CDKAL1: variants seen among roughly 807,000 people sequenced by gnomAD.
The protein encoded by CDKAL1 is threonylcarbamoyladenosine tRNA methylthiotransferase.
A neutral mutation model predicts 68.2 loss-of-function variants in CDKAL1; 32 were observed. The observed-to-expected ratio is 0.47, with a 90% confidence interval of 0.35 to 0.63. The LOEUF (loss-of-function observed/expected upper bound fraction) is 0.63, where lower values mean the gene tolerates loss of function less well. CDKAL1 is among the 30% of genes least tolerant of loss of function. The pLI, the probability that CDKAL1 is intolerant of heterozygous loss-of-function variation, is 0.00. For missense variants in CDKAL1, 606 were observed against 696.7 expected (o/e 0.87, Z 1.47); for synonymous variants, 234 against 244.3 (o/e 0.96, Z 0.39).
At chr6:20,664,856 G>A (rs1056971555) in intron 5 of CDKAL1, among the ~76,000 whole-genome samples, 2 of 152,064 alleles carry the variant, frequency 1.3e-5, no homozygotes, top group African/African-American at 4.8e-5. Flanking sequence ...AATCGGTAAT[G>A]GGTGGCTTGA....
intron 13 of CDKAL1, among the ~76,000 whole-genome samples, chr6:21,181,365 C>T (rs1777782681): frequency 6.6e-6 from 1 of 152,134 alleles, no homozygotes; most frequent in Non-Finnish European, 1.5e-5. Flanking sequence ...GTTATTAGGC[C>T]ATGAGGGCCC....
chr6:21,116,812 G>A (rs770505138), intron 13 of CDKAL1, among the ~76,000 whole-genome samples: 6 of 152,150 alleles, frequency 3.9e-5, no homozygotes, highest in Non-Finnish European at 7.4e-5. Flanking sequence ...GGCAGTTACT[G>A]TATTTTCAAA....
rs569946508 is a variant in CDKAL1 at position 20,589,629 on chromosome 6, G to A, written c.286+40924G>A. Among the ~76,000 whole-genome samples the A allele has an allele frequency of 1.1e-4, 16 of 152,234 alleles. No homozygotes were observed. The East Asian group carries it at 1.9e-3, about 18-fold the overall frequency. On this transcript the variant is annotated intron_variant, in intron 4 of 15. Transcript: ENST00000274695. ...TTTCAGCTCTTTAGGAAAGTGGACG[G>A]CCTTCACATCAGTGGGATTGAATTC... is the stretch of plus-strand genomic sequence containing the variant.
intron 7 of CDKAL1, among the ~76,000 whole-genome samples, chr6:20,767,391 A>G (rs913687509): frequency 6.6e-6 from 1 of 152,160 alleles, no homozygotes; most frequent in Non-Finnish European, 1.5e-5. Context: ...AAAATATAAA[A>G]TAGAAACCAG....
At chr6:20,905,223 C>A (rs9460572) in intron 9 of CDKAL1, among the ~76,000 whole-genome samples, 94,945 of 152,014 alleles carry the variant, frequency 0.62, 29,969 homozygotes, top group African/African-American at 0.72. Context: ...TATAAACAAA[C>A]TAGAAATATT....
At position 20,653,938 on chromosome 6, in the gene CDKAL1, G is replaced by A. The variant is rs147232214; in HGVS notation, c.371+4561G>A. ...TTTTTTATATTTTTAGTAGAGATGC[G>A]GTTTCACCGTGTTGGCCAGGCTGGT... On this transcript the variant is annotated intron_variant, in intron 5 of 15. Transcript: ENST00000274695. 4.5e-3 allele frequency among the ~76,000 whole-genome samples: 686 copies of A among 151,868 alleles called. 6 individuals carry two copies. Among genetic ancestry groups the A allele is most frequent in the African/African-American group, 0.015 (640 of 41,418 alleles).
intron 8 of CDKAL1, among the ~76,000 whole-genome samples, chr6:20,842,734 G>A (rs1443446978): frequency 6.6e-6 from 1 of 152,154 alleles, no homozygotes; most frequent in Non-Finnish European, 1.5e-5. Flanking sequence ...GGGAGCCTGA[G>A]GCAGGAGAAT....
intron 4 of CDKAL1, among the ~76,000 whole-genome samples, chr6:20,562,170 T>A (rs1764291518): frequency 6.6e-6 from 1 of 152,184 alleles, no homozygotes; most frequent in Non-Finnish European, 1.5e-5. Context: ...GGAGTATTAC[T>A]TGTATTCACT....
In CDKAL1 at chr6:20,758,328, G is replaced by T. The variant is rs969832295; in HGVS notation, c.469-267G>T. ...GGATATGTTGAGTATATGTTGATAG[G>T]CTATCCTAAAACAACTCCAGGCAGT... is the stretch of plus-strand genomic sequence containing the variant. On this transcript the variant is annotated intron_variant, in intron 6 of 15. Coordinates refer to ENST00000274695, the MANE Select transcript of CDKAL1 (RefSeq NM_017774.3). 2.6e-5 allele frequency among the ~76,000 whole-genome samples: 4 copies of T among 152,006 alleles called. 1 individual carries two copies. The South Asian group carries it at 6.2e-4, about 24-fold the overall frequency.
chr6:21,157,520 A>G (rs1485926186), intron 13 of CDKAL1, among the ~76,000 whole-genome samples: 1 of 152,224 alleles, frequency 6.6e-6, no homozygotes, highest in African/African-American at 2.4e-5. Context: ...TTACAAAGCC[A>G]TATGCTTGTG....
intron 11 of CDKAL1, among the ~76,000 whole-genome samples, chr6:21,035,844 G>T (rs1769550713): frequency 6.6e-6 from 1 of 152,062 alleles, no homozygotes; most frequent in African/African-American, 2.4e-5. Context: ...GCATAACATG[G>T]TTTTAACTGA....
At chr6:21,230,480 T>A (rs1387709592) in intron 15 of CDKAL1, among the ~76,000 whole-genome samples, 5 of 152,126 alleles carry the variant, frequency 3.3e-5, no homozygotes, top group Admixed American at 1.3e-4. Flanking sequence ...TTCTTTGTCA[T>A]TCTTCCATTG....
At position 21,122,553 on chromosome 6, in the gene CDKAL1, A is replaced by G. The variant is rs146908911; in HGVS notation, c.1299+14090A>G. 5.8e-3 allele frequency among the ~76,000 whole-genome samples: 888 copies of G among 152,188 alleles called. 8 individuals carry two copies. The highest frequency in any genetic ancestry group is 0.02 in the African/African-American group (838 of 41,526). On this transcript the variant is annotated intron_variant, in intron 13 of 15. Coordinates refer to ENST00000274695, the MANE Select transcript of CDKAL1 (RefSeq NM_017774.3). ...TGGTTACAGATATCTGAATATTTCC[A>G]TATTGCATAGGCCTCTCTGTTTTCA...
intron 9 of CDKAL1, among the ~76,000 whole-genome samples, chr6:20,935,782 C>G (rs1763677168): frequency 6.6e-6 from 1 of 152,194 alleles, no homozygotes; most frequent in African/African-American, 2.4e-5. Context: ...ATAGCCCAGG[C>G]TGGTCTACAA....
intron 9 of CDKAL1, among the ~76,000 whole-genome samples, chr6:20,940,326 A>G (rs1046890272): frequency 3.3e-5 from 5 of 152,006 alleles, no homozygotes; most frequent in African/African-American, 1.2e-4. Flanking sequence ...ATTTATTAAT[A>G]TATTTCTATT....
At chr6:21,205,819 C>G (rs1289018103) in intron 15 of CDKAL1, among the ~76,000 whole-genome samples, 2 of 142,200 alleles carry the variant, frequency 1.4e-5, no homozygotes, top group East Asian at 2.1e-4. Context: ...GCGTGAGCCC[C>G]CGCGCCCAGC....
At chr6:20,606,081 C>T (rs1025210606) in intron 4 of CDKAL1, among the ~76,000 whole-genome samples, 4 of 152,070 alleles carry the variant, frequency 2.6e-5, no homozygotes, top group Non-Finnish European at 2.9e-5. Flanking sequence ...ATTTGTTTTC[C>T]GTCTCTCAGG....
intron 11 of CDKAL1, among the ~76,000 whole-genome samples, chr6:21,010,718 G>GA (rs569485991): frequency 8.5e-4 from 129 of 152,158 alleles, no homozygotes; most frequent in Non-Finnish European, 1.6e-3. Flanking sequence ...TAAGTCCTCA[G>GA]AAAAAATGAG....
At chr6:20,897,252 C>G (rs887909547) in intron 9 of CDKAL1, among the ~76,000 whole-genome samples, 1 of 152,140 alleles carries the variant, frequency 6.6e-6, no homozygotes, top group African/African-American at 2.4e-5. Flanking sequence ...AGTTGATTCA[C>G]TTGTAGACAT....
Sources: gnomAD v4.1 joint callset for allele counts (sites outside exome capture counted in the v4.1 genomes callset) on GRCh38, gnomAD v4.1.1 for gene constraint, MANE v1.5 for transcripts, NCBI Gene and HGNC (gene_info 2026-07-23, HGNC 2026-07-21) for gene names.